Variants in CDYL observed in about 807,000 individuals in gnomAD.
The protein encoded by CDYL is chromodomain Y like.
A neutral mutation model predicts 47.3 loss-of-function variants in CDYL; 8 were observed. That is an observed-to-expected ratio of 0.17 (90% CI 0.10 to 0.31). The LOEUF is 0.31. Among genes scored for constraint, CDYL ranks in the 10% least tolerant of loss-of-function variants. The probability of loss-of-function intolerance (pLI) is 1.00; values close to 1 mark genes in which losing one functional copy is unlikely to be tolerated. For missense variants in CDYL, 471 were observed against 701.4 expected, an observed-to-expected ratio of 0.67 and a Z score of 3.71; for synonymous variants, 266 against 265.0, an observed-to-expected ratio of 1.00 and a Z score of -0.04.
At chr6:4,735,910 G>A (rs1489149916) in intron 3 of CDYL, among the ~76,000 whole-genome samples, 1 of 152,118 alleles carries the variant, frequency 6.6e-6, no homozygotes, top group Admixed American at 6.5e-5. Flanking sequence ...CGTGATGGGG[G>A]GGGGTGGGAT....
intron 2 of CDYL, among the ~76,000 whole-genome samples, chr6:4,925,157 G>A (rs2127512137): frequency 6.6e-6 from 1 of 152,280 alleles, no homozygotes; most frequent in Middle Eastern, 3.4e-3. Context: ...TCAGCTGGGT[G>A]CGGTTGTGCA....
chr6:4,790,883 A>AT (rs1260509292), intron 1 of CDYL, among the ~76,000 whole-genome samples: 3 of 152,248 alleles, frequency 2.0e-5, no homozygotes, highest in Non-Finnish European at 4.4e-5. Flanking sequence ...CAAAAGATTG[A>AT]TAAAAACAGA....
At chr6:4,890,058 CAG>C (rs1761999695) in intron 1 of CDYL, 2 of 985,450 alleles carry the variant, frequency 2.0e-6, no homozygotes, top group Non-Finnish European at 2.4e-6. Flanking sequence ...TCTAAGGAAA[CAG>C]AGGAAAGCAA....
chr6:4,851,719 C>T (rs908371154), intron 1 of CDYL, among the ~76,000 whole-genome samples: 5 of 152,186 alleles, frequency 3.3e-5, no homozygotes, highest in East Asian at 3.9e-4. Context: ...AATCCCTGAT[C>T]GTGGCTGTGC....
chr6:4,786,526 AGTTT>A (rs149700221), intron 1 of CDYL, among the ~76,000 whole-genome samples: 7,938 of 152,264 alleles, frequency 0.052, 257 homozygotes, highest in South Asian at 0.13. Flanking sequence ...AAATTTAAAA[AGTTT>A]GTTTTAGTAA....
intron 1 of CDYL, among the ~76,000 whole-genome samples, chr6:4,830,947 G>A (rs1169107910): frequency 6.6e-6 from 1 of 151,990 alleles, no homozygotes; most frequent in Non-Finnish European, 1.5e-5. Flanking sequence ...CATTTTTTAT[G>A]GCTGCATAGT....
chr6:4,920,123 T>C (rs1757670200), intron 2 of CDYL, among the ~76,000 whole-genome samples: 1 of 152,146 alleles, frequency 6.6e-6, no homozygotes, highest in African/African-American at 2.4e-5. Flanking sequence ...AACTAAACAG[T>C]TCCACTTACA....
At chr6:4,799,577 C>G (rs1759169471) in intron 1 of CDYL, among the ~76,000 whole-genome samples, 1 of 152,114 alleles carries the variant, frequency 6.6e-6, no homozygotes, top group Non-Finnish European at 1.5e-5. Context: ...TCCCAAGTAG[C>G]TGGGACTATA....
intron 1 of CDYL, among the ~76,000 whole-genome samples, chr6:4,873,003 A>C (rs1242647356): frequency 6.6e-6 from 1 of 152,248 alleles, no homozygotes; most frequent in Non-Finnish European, 1.5e-5. Flanking sequence ...CTGAAGAATA[A>C]TACAGTTGTT....
At chr6:4,905,674 G>GC (rs1317315217) in intron 2 of CDYL, among the ~76,000 whole-genome samples, 4 of 152,192 alleles carry the variant, frequency 2.6e-5, no homozygotes, top group Admixed American at 6.5e-5. Flanking sequence ...GGAGCCACTC[G>GC]CCCCCAGCAC....
Position 4,905,638 on chromosome 6 carries a change from A to C in CDYL, c.691+13259A>C, listed in dbSNP as rs556213066. Among the ~76,000 whole-genome samples, 8 of 152,288 alleles carry C rather than the reference A, an allele frequency of 5.3e-5. No individual in the cohort carries two copies. In the South Asian group the frequency reaches 1.7e-3, roughly 32 times the overall value. On this transcript the variant is annotated intron_variant, in intron 2 of 6. Transcript: ENST00000397588. ...TGAAGCCGTTGACTGCCTGGGTCAG[A>C]GCCGAAGGGCCATGTTTAGTGGCTG...
intron 1 of CDYL, among the ~76,000 whole-genome samples, chr6:4,856,543 G>A (rs1761013496): frequency 6.6e-6 from 1 of 152,212 alleles, no homozygotes; most frequent in Non-Finnish European, 1.5e-5. Context: ...CAGGGTAGAA[G>A]CAGGGGAACA....
chr6:4,796,034 A>T (rs1178914230), intron 1 of CDYL, among the ~76,000 whole-genome samples: 11 of 151,984 alleles, frequency 7.2e-5, no homozygotes, highest in Admixed American at 7.2e-4. Flanking sequence ...ATCTAGGCTC[A>T]CTGCAACCTC....
chr6:4,835,928 A>G (rs6925763), intron 1 of CDYL, among the ~76,000 whole-genome samples: 52,736 of 151,242 alleles, frequency 0.35, 12,257 homozygotes, highest in African/African-American at 0.67. Context: ...TAAGCCCGTC[A>G]GAAAAGCGCA....
chr6:4,752,968 A>G (rs951376844), intron 3 of CDYL, among the ~76,000 whole-genome samples: 4 of 151,946 alleles, frequency 2.6e-5, no homozygotes, highest in African/African-American at 9.7e-5. Flanking sequence ...CCCAGGCTGC[A>G]GTGCAGCAGT....
chr6:4,904,155 A>G (rs1183062940), intron 2 of CDYL, among the ~76,000 whole-genome samples: 1 of 152,256 alleles, frequency 6.6e-6, no homozygotes, highest in Admixed American at 6.5e-5. Context: ...CGTTGTGGGT[A>G]GTGCTCCCTA....
chr6:4,798,219 C>T (rs1046478039), intron 1 of CDYL, among the ~76,000 whole-genome samples: 1 of 152,122 alleles, frequency 6.6e-6, no homozygotes, highest in Non-Finnish European at 1.5e-5. Flanking sequence ...GCAATCTGCC[C>T]ACCTTGACCT....
chr6:4,948,505 C>A (rs1758597824), intron 5 of CDYL, among the ~76,000 whole-genome samples: 1 of 148,250 alleles, frequency 6.7e-6, no homozygotes, highest in Admixed American at 6.9e-5. Context: ...GCCTCTTGAG[C>A]TGCTGCTTTC....
At chr6:4,844,603 C>A (rs550288311) in intron 1 of CDYL, among the ~76,000 whole-genome samples, 5 of 152,300 alleles carry the variant, frequency 3.3e-5, no homozygotes, top group African/African-American at 1.2e-4. Flanking sequence ...GAATATTTTT[C>A]CCCCAACATG....
Sources: gnomAD v4.1 joint callset for allele counts (sites outside exome capture counted in the v4.1 genomes callset) on GRCh38, gnomAD v4.1.1 for gene constraint, MANE v1.5 for transcripts, NCBI Gene and HGNC (gene_info 2026-07-23, HGNC 2026-07-21) for gene names.